Variants in WWOX observed in about 807,000 individuals in gnomAD.
WWOX encodes WW domain-containing oxidoreductase.
WWOX carries 69 observed loss-of-function variants against 46.2 expected under a neutral mutation model. The observed-to-expected ratio is 1.49, with a 90% CI of 1.23 to 1.82. The LOEUF (loss-of-function observed/expected upper bound fraction) is 1.82. WWOX is among the 40% of genes most tolerant of loss of function. The probability of loss-of-function intolerance (pLI) is 0.00; values close to 1 mark genes in which losing one functional copy is unlikely to be tolerated. For missense variants in WWOX, 919 were observed against 542.6 expected (o/e 1.69, Z -6.89); for synonymous variants, 359 against 202.6 (o/e 1.77, Z -6.56).
chr16:78,616,619 C>G (rs924167761), intron 8 of WWOX, among the ~76,000 whole-genome samples: 2 of 151,800 alleles, frequency 1.3e-5, no homozygotes, highest in Non-Finnish European at 2.9e-5. Context: ...AAACTAAAAA[C>G]TTAGCCAGGC....
At chr16:78,564,439 A>C (rs540017056) in intron 8 of WWOX, among the ~76,000 whole-genome samples, 1 of 152,188 alleles carries the variant, frequency 6.6e-6, no homozygotes, top group Non-Finnish European at 1.5e-5. Context: ...GTTATATGCT[A>C]CAGGGATATT....
intron 8 of WWOX, among the ~76,000 whole-genome samples, chr16:79,024,778 T>C (rs933727353): frequency 6.6e-6 from 1 of 152,030 alleles, no homozygotes; most frequent in African/African-American, 2.4e-5. Context: ...CACCTTGTTT[T>C]CCAAGCTGAT....
At chr16:78,479,432 A>G (rs2084434769) in intron 8 of WWOX, among the ~76,000 whole-genome samples, 1 of 152,252 alleles carries the variant, frequency 6.6e-6, no homozygotes, top group Admixed American at 6.5e-5. Context: ...CTTTTTATTT[A>G]TAACTATAGT....
At chr16:78,428,165 C>T (rs988945532) in intron 7 of WWOX, among the ~76,000 whole-genome samples, 12 of 152,242 alleles carry the variant, frequency 7.9e-5, no homozygotes, top group African/African-American at 2.7e-4. Flanking sequence ...GTGTTACTGT[C>T]CACAGAGCAA....
At chr16:78,195,709 C>T (rs988551119) in intron 5 of WWOX, among the ~76,000 whole-genome samples, 1 of 150,060 alleles carries the variant, frequency 6.7e-6, no homozygotes, top group Non-Finnish European at 1.5e-5. Context: ...GTAATCCCAG[C>T]TAGTTGGGAG....
intron 8 of WWOX, among the ~76,000 whole-genome samples, chr16:78,894,797 C>A (rs762241625): frequency 1.3e-5 from 2 of 152,100 alleles, no homozygotes; most frequent in African/African-American, 4.8e-5. Context: ...TGAAGTTGAC[C>A]TTGAGACCCC....
chr16:78,659,130 A>G (rs1324476289), intron 8 of WWOX, among the ~76,000 whole-genome samples: 1 of 151,512 alleles, frequency 6.6e-6, no homozygotes, highest in Non-Finnish European at 1.5e-5. Flanking sequence ...AAAACAAAAC[A>G]CATGCTGGTG....
At chr16:79,089,150 G>A (rs1049466376) in intron 8 of WWOX, among the ~76,000 whole-genome samples, 1 of 152,134 alleles carries the variant, frequency 6.6e-6, no homozygotes, top group Non-Finnish European at 1.5e-5. Flanking sequence ...TGGGCACAGG[G>A]CCTAGCTCTG....
intron 8 of WWOX, among the ~76,000 whole-genome samples, chr16:78,553,691 G>C (rs1012108639): frequency 6.6e-6 from 1 of 152,136 alleles, no homozygotes; most frequent in Non-Finnish European, 1.5e-5. Context: ...CCATGATAGA[G>C]AACCTTTCCC....
intron 8 of WWOX, among the ~76,000 whole-genome samples, chr16:78,786,174 T>G (rs1306073831): frequency 6.6e-6 from 1 of 152,144 alleles, no homozygotes; most frequent in Admixed American, 6.5e-5. Flanking sequence ...CCTCCCAAAG[T>G]GCTGGGATTA....
chr16:78,458,962 C>T (rs868561908), intron 8 of WWOX, among the ~76,000 whole-genome samples: 2 of 152,090 alleles, frequency 1.3e-5, no homozygotes, highest in African/African-American at 4.8e-5. Context: ...AATTTACTTC[C>T]GTCACAAAAC....
chr16:78,803,858 A>G (rs1318754323), intron 8 of WWOX, among the ~76,000 whole-genome samples: 1 of 152,168 alleles, frequency 6.6e-6, no homozygotes, highest in Non-Finnish European at 1.5e-5. Context: ...TCAGAGCTCA[A>G]AAATTGAGTA....
chr16:78,480,057 A>G (rs1204330694), intron 8 of WWOX, among the ~76,000 whole-genome samples: 1 of 152,192 alleles, frequency 6.6e-6, no homozygotes, highest in Non-Finnish European at 1.5e-5. Context: ...GGATTACAGA[A>G]TTGTGCTGGG....
In WWOX at chr16:78,224,469, A is replaced by G. The variant is rs7184462; in HGVS notation, c.516+60180A>G. Among the ~76,000 whole-genome samples, 525 of 151,976 alleles carry G rather than the reference A, an allele frequency of 3.5e-3. 2 individuals are homozygous for G. The highest frequency in any genetic ancestry group is 0.012 in the African/African-American group (500 of 41,496). ...TCAAGAAACTGCCTTTTTTCATGTA[A>G]TAGTATTTCTGTGTCACTAAATCCT... On this transcript the variant is annotated intron_variant, in intron 5 of 8. Coordinates refer to ENST00000566780, the MANE Select transcript of WWOX (RefSeq NM_016373.4).
At chr16:78,704,289 T>C (rs2048287261) in intron 8 of WWOX, among the ~76,000 whole-genome samples, 1 of 152,138 alleles carries the variant, frequency 6.6e-6, no homozygotes, top group South Asian at 2.1e-4. Flanking sequence ...CTCCAAAATT[T>C]CCTCATCTTG....
chr16:78,681,931 C>T (rs1446087150), intron 8 of WWOX, among the ~76,000 whole-genome samples: 1 of 152,170 alleles, frequency 6.6e-6, no homozygotes, highest in Non-Finnish European at 1.5e-5. Flanking sequence ...GGTTGGGGCC[C>T]AGGAGTCTGC....
In WWOX at chr16:79,198,399, C is replaced by G. The variant is rs958119510; in HGVS notation, c.1057-13209C>G. On this transcript the variant is annotated intron_variant, in intron 8 of 8. Coordinates refer to ENST00000566780, the MANE Select transcript of WWOX (RefSeq NM_016373.4). ...AAAACAAGTAAAGAAAATAAATCCT[C>G]CCGCTTTTTTTGCTCCTTCATGGGT... Among the ~76,000 whole-genome samples, 4 of 152,202 alleles carry G rather than the reference C, an allele frequency of 2.6e-5. No individual in the cohort carries two copies. The East Asian group carries it at 5.8e-4, about 22-fold the overall frequency.
intron 8 of WWOX, among the ~76,000 whole-genome samples, chr16:78,782,659 T>G (rs1198309233): frequency 6.6e-6 from 1 of 151,436 alleles, no homozygotes; most frequent in Non-Finnish European, 1.5e-5. Context: ...GTCTTTCTTT[T>G]CTATATCTTT....
At chr16:78,777,706 T>A (rs976917957) in intron 8 of WWOX, among the ~76,000 whole-genome samples, 2 of 152,210 alleles carry the variant, frequency 1.3e-5, no homozygotes, top group African/African-American at 4.8e-5. Flanking sequence ...AATCATTTTA[T>A]AAGTACCTAT....
Sources: allele counts gnomAD v4.1 joint callset (sites outside exome capture counted in the v4.1 genomes callset), GRCh38; gene constraint gnomAD v4.1.1; transcripts MANE v1.5; gene names NCBI Gene and HGNC (gene_info 2026-07-23, HGNC 2026-07-21).